Variants in ZDHHC17 observed in about 807,000 individuals in gnomAD.
ZDHHC17 encodes palmitoyltransferase ZDHHC17.
A neutral mutation model predicts 90.3 loss-of-function variants in ZDHHC17; 40 were observed. The ratio of observed to expected loss-of-function variants is 0.44; its 90% CI spans 0.34 to 0.58. The LOEUF (loss-of-function observed/expected upper bound fraction) is 0.58. Among genes scored for constraint, ZDHHC17 ranks in the 20% least tolerant of loss-of-function variants. The pLI, the probability that ZDHHC17 is intolerant of heterozygous loss-of-function variation, is 0.01. For missense variants in ZDHHC17, 614 were observed against 780.8 expected (o/e 0.79, Z 2.55); for synonymous variants, 235 against 252.4 (o/e 0.93, Z 0.65).
intron 3 of ZDHHC17, among the ~76,000 whole-genome samples, chr12:76,805,687 C>A (rs964600819): frequency 1.3e-5 from 2 of 151,974 alleles, no homozygotes; most frequent in Admixed American, 1.3e-4. Context: ...TTAATATAAC[C>A]GTATATGAAA....
intron 10 of ZDHHC17, among the ~76,000 whole-genome samples, chr12:76,831,233 C>T (rs539864969): frequency 6.2e-4 from 95 of 152,278 alleles, no homozygotes; most frequent in African/African-American, 2.2e-3. Context: ...TAAATAAGTG[C>T]ACCTTATCAT....
intron 10 of ZDHHC17, among the ~76,000 whole-genome samples, chr12:76,834,539 T>C (rs754601765): frequency 2.0e-5 from 3 of 152,238 alleles, no homozygotes; most frequent in Non-Finnish European, 4.4e-5. Flanking sequence ...CTCTGTTTTC[T>C]GTGTATCTCT....
chr12:76,811,292 G>A (rs1953016022), intron 5 of ZDHHC17, among the ~76,000 whole-genome samples: 1 of 152,136 alleles, frequency 6.6e-6, no homozygotes, highest in South Asian at 2.1e-4. Flanking sequence ...TAGAACAAAC[G>A]TTGAAGCAGT....
chr12:76,843,288 T>G (rs948816580), intron 12 of ZDHHC17, among the ~76,000 whole-genome samples: 1 of 152,170 alleles, frequency 6.6e-6, no homozygotes, highest in South Asian at 2.1e-4. Context: ...CAAAGATTTA[T>G]AATGATTCCC....
chr12:76,784,127 T>C (rs779788472), intron 1 of ZDHHC17, among the ~76,000 whole-genome samples: 4 of 152,234 alleles, frequency 2.6e-5, no homozygotes, highest in Admixed American at 6.5e-5. Flanking sequence ...CTAGCACATA[T>C]ACCACCACAC....
intron 1 of ZDHHC17, among the ~76,000 whole-genome samples, chr12:76,796,323 T>G (rs777890931): frequency 2.0e-5 from 3 of 152,124 alleles, no homozygotes; most frequent in Admixed American, 6.6e-5. Flanking sequence ...CAACAGATGT[T>G]ATTGGAACTG....
rs115461721 is a variant in ZDHHC17 at position 76,800,800 on chromosome 12, C to T, written c.197+3263C>T. 3.3e-3 allele frequency among the ~76,000 whole-genome samples: 504 copies of T among 151,576 alleles called. 3 individuals are homozygous for T. Among genetic ancestry groups the T allele is most frequent in the African/African-American group, 0.012 (481 of 41,342 alleles). Reference sequence around the variant, plus strand: ...TCTTTTTTACCCCAGTCTGTTCTGCCAAACTGTCTTTGGGTTGGAGAGTTT... The same window carrying T: ...TCTTTTTTACCCCAGTCTGTTCTGCTAAACTGTCTTTGGGTTGGAGAGTTT... On this transcript the variant is annotated intron_variant, in intron 2 of 16. Coordinates refer to ENST00000426126, the MANE Select transcript of ZDHHC17 (RefSeq NM_015336.4).
chr12:76,841,841 T>C (rs1953439197), intron 10 of ZDHHC17, 141 bp from the exon 11 acceptor site: 2 of 524,208 alleles, frequency 3.8e-6, no homozygotes, highest in Non-Finnish European at 5.7e-6. Context: ...ACATTATTTT[T>C]ACATGTAGTT....
chr12:76,846,791 G>T (rs962940542), intron 14 of ZDHHC17, 112 bp downstream of exon 14: 3 of 895,496 alleles, frequency 3.4e-6, no homozygotes, highest in Non-Finnish European at 3.4e-6. Context: ...TAAAATTATG[G>T]TTTGGACACC....
In ZDHHC17 at chr12:76,853,356, A is replaced by G. The variant is rs1592503835; in HGVS notation, c.*2371A>G. The G allele has an allele frequency of 1.3e-5, 2 of 152,686 alleles. No individual in the cohort carries two copies. Among genetic ancestry groups the G allele is most frequent in the Middle Eastern group, 3.4e-3 (1 of 294 alleles). The allele number at this position is 152,686 out of a possible 1,614,324, so 9.5% of individuals were successfully genotyped here. The stretch of plus-strand genomic sequence containing the variant: ...TGTATGATGGTGAACCTTTGGGAAT[A>G]GTTCTTATCAACTTAATTGGATACT... On this transcript the variant is annotated 3_prime_UTR_variant, in exon 17 of 17. Transcript: ENST00000426126.
chr12:76,817,188 G>A (rs367882342), intron 7 of ZDHHC17, among the ~76,000 whole-genome samples: 1 of 152,036 alleles, frequency 6.6e-6, no homozygotes, highest in Non-Finnish European at 1.5e-5. Flanking sequence ...TAAATAGGAT[G>A]CTCTTAAAAG....
intron 12 of ZDHHC17, 145 bp from the exon 13 acceptor site, chr12:76,845,564 G>T: frequency 2.8e-6 from 1 of 363,634 alleles, no homozygotes; most frequent in African/African-American, 2.1e-5. Context: ...GTGACTTTTG[G>T]TTTCATTCAT....
chr12:76,801,647 C>CT (rs1276568954), intron 2 of ZDHHC17, among the ~76,000 whole-genome samples: 6 of 151,790 alleles, frequency 4.0e-5, no homozygotes, highest in Non-Finnish European at 8.8e-5. Flanking sequence ...CAGCAAGACT[C>CT]TGTCTCAAAA....
chr12:76,771,011 G>C (rs1952485760), intron 1 of ZDHHC17, among the ~76,000 whole-genome samples: 1 of 151,430 alleles, frequency 6.6e-6, no homozygotes, highest in Admixed American at 6.6e-5. Context: ...TCACTATTAA[G>C]GTTATGTAAA....
intron 1 of ZDHHC17, among the ~76,000 whole-genome samples, chr12:76,773,037 T>C (rs1952514818): frequency 6.6e-6 from 1 of 152,102 alleles, no homozygotes; most frequent in Non-Finnish European, 1.5e-5. Flanking sequence ...TTTGTATTTT[T>C]AGTAGAGACG....
chr12:76,809,326 T>C (rs963480766), intron 4 of ZDHHC17, among the ~76,000 whole-genome samples: 2 of 148,334 alleles, frequency 1.3e-5, no homozygotes, highest in Non-Finnish European at 3.0e-5. Context: ...CATGCTGATA[T>C]TAATTCAGTT....
chr12:76,823,505 G>A (rs1337824271), intron 8 of ZDHHC17, among the ~76,000 whole-genome samples: 7 of 152,214 alleles, frequency 4.6e-5, no homozygotes, highest in Non-Finnish European at 8.8e-5. Context: ...AATTGCCGTA[G>A]AGTTTCTTTA....
chr12:76,811,141 A>G (rs1185918386), intron 5 of ZDHHC17, among the ~76,000 whole-genome samples: 2 of 142,082 alleles, frequency 1.4e-5, no homozygotes, highest in African/African-American at 5.2e-5. Context: ...TCTATCAGTT[A>G]AAGTGAGTTA....
intron 15 of ZDHHC17, among the ~76,000 whole-genome samples, 194 bp downstream of exon 15, chr12:76,848,584 C>T (rs1484496135): frequency 6.6e-6 from 1 of 152,124 alleles, no homozygotes; most frequent in Non-Finnish European, 1.5e-5. Flanking sequence ...AATTTTAGTA[C>T]TTATCTCAAC....
Sources: allele counts gnomAD v4.1 joint callset (sites outside exome capture counted in the v4.1 genomes callset), GRCh38; gene constraint gnomAD v4.1.1; transcripts MANE v1.5; gene names NCBI Gene and HGNC (gene_info 2026-07-23, HGNC 2026-07-21).